Variants in EBF3 observed in about 807,000 individuals in gnomAD.
EBF3 encodes the protein transcription factor COE3.
A neutral mutation model predicts 77.1 loss-of-function variants in EBF3; 18 were observed. That is an observed-to-expected ratio of 0.23 (90% CI 0.16 to 0.35). EBF3 has a LOEUF of 0.35. Among genes scored for constraint, EBF3 ranks in the 10% least tolerant of loss-of-function variants. The probability of loss-of-function intolerance (pLI) is 1.00; values close to 1 mark genes in which losing one functional copy is unlikely to be tolerated. For synonymous variants in EBF3, 350 were observed against 343.5 expected, an observed-to-expected ratio of 1.02 and a Z score of -0.21; for missense variants, 558 against 860.0, an observed-to-expected ratio of 0.65 and a Z score of 4.39.
intron 6 of EBF3, among the ~76,000 whole-genome samples, chr10:129,905,445 C>G (rs1240280982): frequency 8.6e-5 from 13 of 151,596 alleles, no homozygotes; most frequent in Non-Finnish European, 1.9e-4. Context: ...AATATTATCT[C>G]TTTTTACTTT....
chr10:129,876,453 A>G (rs1462549383), intron 7 of EBF3, among the ~76,000 whole-genome samples: 5 of 152,242 alleles, frequency 3.3e-5, no homozygotes, highest in Admixed American at 3.3e-4. Context: ...AAATGGAAGC[A>G]GACCCAACTG....
intron 6 of EBF3, among the ~76,000 whole-genome samples, chr10:129,895,636 C>G (rs1854318229): frequency 6.6e-6 from 1 of 152,174 alleles, no homozygotes; most frequent in Non-Finnish European, 1.5e-5. Context: ...CCTGAGGACC[C>G]TGGTAGGGGA....
chr10:129,848,259 G>T lies in EBF3; in HGVS notation c.1128+133C>A. Reference sequence around the variant, plus strand: ...CGGGCCCGGGCAGCTCCTCACACCTGTCGGCCCTGTGGTGGGCACAGAGTT... The same window carrying T: ...CGGGCCCGGGCAGCTCCTCACACCTTTCGGCCCTGTGGTGGGCACAGAGTT... On this transcript the variant is annotated intron_variant, in intron 11 of 16. Transcript: ENST00000440978. The surrounding 1 kb of genome is among the most constrained non-coding windows in gnomAD (Gnocchi z 4.4). 2.1e-6 allele frequency: 2 copies of T among 944,088 alleles called. No individual in the cohort carries two copies. The highest frequency in any genetic ancestry group is 3.4e-6 in the Non-Finnish European group (2 of 589,856). 58.5% of individuals were successfully genotyped at this position (944,088 alleles called of 1,614,324 possible).
intron 11 of EBF3, among the ~76,000 whole-genome samples, chr10:129,843,773 T>C (rs1187297387): frequency 6.6e-6 from 1 of 152,258 alleles, no homozygotes; most frequent in Non-Finnish European, 1.5e-5. Flanking sequence ...ATCTAGTTCT[T>C]TCATAATGAC....
At chr10:129,924,692 G>A (rs1015475988) in intron 6 of EBF3, among the ~76,000 whole-genome samples, 5 of 152,138 alleles carry the variant, frequency 3.3e-5, no homozygotes, top group Admixed American at 1.3e-4. Context: ...TTGAGACATA[G>A]GTTCTGCTCT....
At chr10:129,849,549 G>A (rs2133985884) in intron 10 of EBF3, among the ~76,000 whole-genome samples, 2 of 152,328 alleles carry the variant, frequency 1.3e-5, no homozygotes, top group South Asian at 4.1e-4. Context: ...CTAGGGGGCC[G>A]CCTTTGCAAG....
intron 10 of EBF3, among the ~76,000 whole-genome samples, chr10:129,853,621 T>A (rs1338031412): frequency 6.6e-6 from 1 of 152,220 alleles, no homozygotes; most frequent in East Asian, 1.9e-4. Context: ...ATATAGTATA[T>A]TTTACTAACA....
chr10:129,907,285 G>T (rs772615597), intron 6 of EBF3, among the ~76,000 whole-genome samples: 31 of 152,228 alleles, frequency 2.0e-4, no homozygotes, highest in Admixed American at 1.8e-3. Context: ...CACGCCAAAG[G>T]CCCCTTGGCC....
chr10:129,837,982 C>T, intron 16 of EBF3, 22 bp from the exon 17 acceptor site: 2 of 1,613,904 alleles, frequency 1.2e-6, no homozygotes, highest in Non-Finnish European at 1.7e-6. Flanking sequence ...AAGGACAGAG[C>T]AGTTACTGCA....
At position 129,945,244 on chromosome 10, in the gene EBF3, G is replaced by A. The variant is rs992654169; in HGVS notation, c.554+12014C>T. 2.7e-5 allele frequency among the ~76,000 whole-genome samples: 4 copies of A among 148,796 alleles called. No homozygotes were observed. The East Asian group carries it at 6.0e-4, about 22-fold the overall frequency. On this transcript the variant is annotated intron_variant, in intron 6 of 16. Transcript: ENST00000440978. Reference sequence around the variant, plus strand: ...GAGAAAGGAAGCAGAGGGAGGGAGGGGGAGCAATGGCAAAGCACTCCAAAA... The same window carrying A: ...GAGAAAGGAAGCAGAGGGAGGGAGGAGGAGCAATGGCAAAGCACTCCAAAA...
chr10:129,867,001 C>T, intron 10 of EBF3, 140 bp downstream of exon 10: 2 of 1,249,884 alleles, frequency 1.6e-6, no homozygotes, highest in Non-Finnish European at 1.1e-6. Flanking sequence ...TCCAGCTAAA[C>T]CCACAGGCCA....
Position 129,963,236 on chromosome 10 carries a change from C to A in EBF3, c.291+131G>T. The A allele has an allele frequency of 3.8e-6, 5 of 1,328,172 alleles. No homozygotes were observed. The highest frequency in any genetic ancestry group is 4.9e-6 in the Non-Finnish European group (5 of 1,014,064). 82.3% of individuals were successfully genotyped at this position (1,328,172 alleles called of 1,614,324 possible). A position where few individuals can be genotyped will look rare whatever the true frequency, so the allele number is the denominator to read the frequency against. On this transcript the variant is annotated intron_variant, in intron 2 of 16. Transcript: ENST00000440978. This position sits in a 1 kb window ranked among gnomAD's most constrained non-coding sequence, Gnocchi z 7.1. ...CCCTCGGCGGTCCCGGGCGGCCGCA[C>A]GTGGCGGCGGCGGGGTGGCCTGGCG...
rs1176725541 is a variant in EBF3 at position 129,836,454 on chromosome 10, A to G, written c.*1489T>C. On this transcript the variant is annotated 3_prime_UTR_variant, in exon 17 of 17. Coordinates refer to ENST00000440978, the MANE Select transcript of EBF3 (RefSeq NM_001375380.1). Reference sequence around the variant, plus strand: ...TGTCACCTCTTCGCGGCCGCTCCACATGCACAGAATCTACTAGGATTTGTC... The same window carrying G: ...TGTCACCTCTTCGCGGCCGCTCCACGTGCACAGAATCTACTAGGATTTGTC... The G allele has an allele frequency of 1.3e-5, 2 of 152,636 alleles. No homozygotes were observed. Among genetic ancestry groups the G allele is most frequent in the African/African-American group, 4.8e-5 (2 of 41,450 alleles). 9.5% of individuals were successfully genotyped at this position (152,636 alleles called of 1,614,324 possible).
At position 129,841,139 on chromosome 10, in the gene EBF3, C is replaced by T; in HGVS notation, c.1373-107G>A. ...CATATATTAACATTGCTAATTGACC[C>T]TGTGCTTTCCACCTGCTCTAGCGCC... On this transcript the variant is annotated intron_variant, in intron 13 of 16. Transcript: ENST00000440978. This position sits in a 1 kb window ranked among gnomAD's most constrained non-coding sequence, Gnocchi z 4.6. The T allele has an allele frequency of 7.0e-7, 1 of 1,427,982 alleles. No homozygotes were observed. Among genetic ancestry groups the T allele is most frequent in the South Asian group, 1.4e-5 (1 of 73,282 alleles). The allele number at this position is 1,427,982 out of a possible 1,614,324, so 88.5% of individuals were successfully genotyped here.
At position 129,935,656 on chromosome 10, in the gene EBF3, C is replaced by T. The variant is rs1433112561; in HGVS notation, c.554+21602G>A. On this transcript the variant is annotated intron_variant, in intron 6 of 16. Transcript: ENST00000440978. This position sits in a 1 kb window ranked among gnomAD's most constrained non-coding sequence, Gnocchi z 4.2. ...ATCCAGAGCCCAGAGCCTGGGCGTC[C>T]AGGGCACAGACAGCTCTCAGCCACC... Among the ~76,000 whole-genome samples the T allele has an allele frequency of 6.6e-6, 1 of 152,242 alleles. No homozygotes were observed. Among genetic ancestry groups the T allele is most frequent in the East Asian group, 1.9e-4 (1 of 5,190 alleles).
At position 129,861,006 on chromosome 10, in the gene EBF3, C is replaced by T. The variant is rs1478968431; in HGVS notation, c.1039+6135G>A. Reference sequence around the variant, plus strand: ...AATAGCACAAACGGTGTGTCTCATTCTCCTGGCCTCCTTGGAGACAGGAAA... The same window carrying T: ...AATAGCACAAACGGTGTGTCTCATTTTCCTGGCCTCCTTGGAGACAGGAAA... On this transcript the variant is annotated intron_variant, in intron 10 of 16. Transcript: ENST00000440978. The surrounding 1 kb of genome is among the most constrained non-coding windows in gnomAD (Gnocchi z 4.3). Among the ~76,000 whole-genome samples, 3 of 152,252 alleles carry T rather than the reference C, an allele frequency of 2.0e-5. No homozygotes were observed. The highest frequency in any genetic ancestry group is 4.4e-5 in the Non-Finnish European group (3 of 68,054).
intron 6 of EBF3, among the ~76,000 whole-genome samples, chr10:129,936,644 GGGGGACCAGAGGCTGTGTA>G (rs894102942): frequency 3.3e-5 from 5 of 150,990 alleles, no homozygotes; most frequent in African/African-American, 1.2e-4. Flanking sequence ...CTCAGCTGTG[GGGGGACCAGAGGCTGTGTA>G]GGGGACCTGC....
chr10:129,893,329 A>G (rs1390217565), intron 6 of EBF3, among the ~76,000 whole-genome samples: 1 of 152,206 alleles, frequency 6.6e-6, no homozygotes, highest in Non-Finnish European at 1.5e-5. Context: ...ACAGCACCAC[A>G]TATGGCCCTG....
At chr10:129,886,309 G>C (rs987914241) in intron 6 of EBF3, among the ~76,000 whole-genome samples, 3 of 152,324 alleles carry the variant, frequency 2.0e-5, no homozygotes, top group Admixed American at 2.0e-4. Context: ...ATGATTAATG[G>C]GCGCACAGCT....
Sources: gnomAD v4.1 joint callset for allele counts (sites outside exome capture counted in the v4.1 genomes callset) on GRCh38, gnomAD v4.1.1 for gene constraint, Gnocchi (gnomAD v3.1) non-coding constraint, MANE v1.5 for transcripts, NCBI Gene and HGNC (gene_info 2026-07-23, HGNC 2026-07-21) for gene names.